The following APC2 variants were observed in gnomAD, a reference collection of about 807,000 sequenced individuals.
The protein encoded by APC2 is adenomatous polyposis coli protein 2.
Under a neutral mutation model 72.5 loss-of-function variants are expected in APC2, and 41 were observed. That is an observed-to-expected ratio of 0.57 (90% CI 0.44 to 0.73). APC2 has a LOEUF of 0.73. Among genes scored for constraint, APC2 ranks in the 30% least tolerant of loss-of-function variants. The pLI is 0.00. For synonymous variants in APC2, 1,898 were observed against 1,612.0 expected (o/e 1.18, Z -4.25); for missense variants, 3,729 against 3,403.4 (o/e 1.10, Z -2.38).
chr19:1,458,820 A>T lies in APC2; in HGVS notation c.1303+760A>T, dbSNP rs545151151. On this transcript the variant is annotated intron_variant, in intron 10 of 14. Transcript: ENST00000590469. ...CAAACTCCACCTCCGAGTAGCTGGG[A>T]TTACAGGTGCCCGCCCCCACACCTG... Among the ~76,000 whole-genome samples the T allele has an allele frequency of 1.8e-4, 27 of 151,896 alleles. 1 individual carries two copies. The South Asian group carries it at 2.7e-3, about 15-fold the overall frequency.
Position 1,468,290 on chromosome 19 carries a change from G to A in APC2, c.4989G>A (p.Glu1663=), listed in dbSNP as rs1433290500. ...CCCGGCTGGATGAGCGGCCCGCAGA[G>A]GGGTCCCGGGAACGCGGCGAGGAGG... is the stretch of plus-strand genomic sequence containing the variant. ...RATRLDERPA[E]GSRERGEEAA... is the part of the protein sequence containing the mutation. Residue 1663 remains glutamate (E), a synonymous_variant, in exon 15 of 15, where the codon GAG becomes GAA. Coordinates refer to ENST00000590469, the MANE Select transcript of APC2 (RefSeq NM_005883.3). The A allele has an allele frequency of 6.5e-7, 1 of 1,539,700 alleles. No individual in the cohort carries two copies. The highest frequency in any genetic ancestry group is 2.5e-5 in the East Asian group (1 of 40,368).
In APC2 at chr19:1,457,138, A is replaced by G. The variant is rs975583012; in HGVS notation, c.1102A>G (p.Met368Val). ...QPDQGLARKEMRVLHVLEQIR... is the reference protein window; with the variant it reads ...QPDQGLARKEVRVLHVLEQIR... Reference sequence around the variant, plus strand: ...GGACCAGGGCCTGGCGCGCAAGGAGATGCGCGTCCTGCACGTGCTGGAGCA... The same window carrying G: ...GGACCAGGGCCTGGCGCGCAAGGAGGTGCGCGTCCTGCACGTGCTGGAGCA... Residue 368 changes from methionine (M) to valine (V), a missense_variant, in exon 9 of 15, where the codon ATG becomes GTG. Physicochemically the swap from Met to Val is conservative, Grantham distance 21 (BLOSUM62 1). Transcript: ENST00000590469. 3 of 1,589,050 alleles carry G rather than the reference A, an allele frequency of 1.9e-6. No homozygotes were observed. The highest frequency in any genetic ancestry group is 2.7e-5 in the African/African-American group (2 of 74,118).
At chr19:1,454,769 G>C (rs1306111818) in intron 4 of APC2, among the ~76,000 whole-genome samples, 1 of 152,026 alleles carries the variant, frequency 6.6e-6, no homozygotes, top group Non-Finnish European at 1.5e-5. Flanking sequence ...GGGTTTCACC[G>C]TGTTAGCCAG....
Position 1,452,814 on chromosome 19 carries a change from C to G in APC2, c.-18-170C>G, listed in dbSNP as rs2083759670. On this transcript the variant is annotated intron_variant, in intron 1 of 14. Coordinates refer to ENST00000590469, the MANE Select transcript of APC2 (RefSeq NM_005883.3). The surrounding 1 kb of genome is among the most constrained non-coding windows in gnomAD (Gnocchi z 5.1). ...CCCTCTGCGCCCCGGATTGCCTGGC[C>G]ACCACCACGTGGGCCTGTACTTGTC... The G allele has an allele frequency of 8.8e-6, 7 of 796,760 alleles. No homozygotes were observed. The highest frequency in any genetic ancestry group is 1.3e-5 in the Non-Finnish European group (7 of 522,514). The allele number at this position is 796,760 out of a possible 1,614,324, so 49.4% of individuals were successfully genotyped here.
rs771753228 is a variant in APC2 at position 1,468,977 on chromosome 19, G to T, written c.5676G>T (p.Pro1892=). The T allele has an allele frequency of 4.5e-6, 7 of 1,558,002 alleles. No individual in the cohort carries two copies. The highest frequency in any genetic ancestry group is 4.2e-5 in the African/African-American group (3 of 71,042). ...ASQPLPRKRP[P]VTQAAGALPG... is the part of the protein sequence containing the mutation. ...AGCCCCTGCCCAGAAAGCGCCCCCC[G>T]GTCACCCAGGCTGCTGGGGCCCTGC... Residue 1892 remains proline (P), a synonymous_variant, in exon 15 of 15, where the codon CCG becomes CCT. Transcript: ENST00000590469.
rs930626044 is a variant in APC2 at position 1,452,946 on chromosome 19, C to T, written c.-18-38C>T. On this transcript the variant is annotated intron_variant, in intron 1 of 14. Transcript: ENST00000590469. The surrounding 1 kb of genome is among the most constrained non-coding windows in gnomAD (Gnocchi z 5.1). ...CCGGAAGGCATCACCGCGCCCTCCC[C>T]AGACCATCAGCTGAACCCTCTGACC... The T allele has an allele frequency of 5.6e-6, 9 of 1,599,432 alleles. No homozygotes were observed. Among genetic ancestry groups the T allele is most frequent in the Admixed American group, 3.4e-5 (2 of 59,356 alleles).
intron 14 of APC2, among the ~76,000 whole-genome samples, chr19:1,463,412 G>A (rs2083957602): frequency 7.9e-6 from 1 of 126,420 alleles, no homozygotes; most frequent in African/African-American, 4.2e-5. Context: ...AGGGGACTCT[G>A]TCTCAAAAAA....
intron 13 of APC2, chr19:1,461,726 T>A: frequency 2.0e-6 from 1 of 506,324 alleles, no homozygotes; most frequent in Non-Finnish European, 3.5e-6. Flanking sequence ...GTGGCGGGTG[T>A]CTGTAGTCCC....
chr19:1,456,750 G>C, intron 8 of APC2, 103 bp from the exon 9 acceptor site: 1 of 1,386,816 alleles, frequency 7.2e-7, no homozygotes, highest in Non-Finnish European at 9.6e-7. Context: ...GTGGGCGTGG[G>C]GCTGCCCTTG....
In APC2 at chr19:1,470,393, T is replaced by G; in HGVS notation, c.*180T>G. 3.2e-6 allele frequency: 3 copies of G among 924,916 alleles called. No individual in the cohort carries two copies. The highest frequency in any genetic ancestry group is 4.6e-6 in the Non-Finnish European group (3 of 653,964). 57.3% of individuals were successfully genotyped at this position (924,916 alleles called of 1,614,324 possible). On this transcript the variant is annotated 3_prime_UTR_variant, in exon 15 of 15. Coordinates refer to ENST00000590469, the MANE Select transcript of APC2 (RefSeq NM_005883.3). ...CGACCTCGCGCCTCACCGGAAGACCTTGCCTCTGTGCCGCGGAGGTCCAGG... is the reference window on the plus strand; with the variant it reads ...CGACCTCGCGCCTCACCGGAAGACCGTGCCTCTGTGCCGCGGAGGTCCAGG...
chr19:1,465,847 T>C lies in APC2; in HGVS notation c.2546T>C (p.Leu849Pro). 1.3e-6 allele frequency: 2 copies of C among 1,574,494 alleles called. No individual in the cohort carries two copies. The highest frequency in any genetic ancestry group is 1.7e-6 in the Non-Finnish European group (2 of 1,161,840). ...VAAKAKAKLA[L>P]AVARIDQLVE... ...GCCAAGGCCAAGGCCAAGCTGGCGCTTGCAGTGGCGCGCATCGACCAGCTG... is the reference window on the plus strand; with the variant it reads ...GCCAAGGCCAAGGCCAAGCTGGCGCCTGCAGTGGCGCGCATCGACCAGCTG... The change falls in exon 15 of 15, where the codon CTT becomes CCT. Residue 849 changes from leucine to proline, a missense_variant. By Grantham distance (98) the Leu-to-Pro change is moderately conservative. Transcript: ENST00000590469.
chr19:1,461,732 G>A (rs1436932333), intron 13 of APC2: 4 of 540,078 alleles, frequency 7.4e-6, no homozygotes, highest in African/African-American at 3.9e-5. Context: ...GGTGTCTGTA[G>A]TCCCAGCTAC....
Position 1,467,622 on chromosome 19 carries a change from C to A in APC2, c.4321C>A (p.His1441Asn). The A allele has an allele frequency of 6.7e-7, 1 of 1,492,216 alleles. No homozygotes were observed. Among genetic ancestry groups the A allele is most frequent in the Non-Finnish European group, 8.9e-7 (1 of 1,128,964 alleles). 92.4% of individuals were successfully genotyped at this position (1,492,216 alleles called of 1,614,324 possible). Reference protein sequence around the residue: ...RPTSARQAMGHRHKAGGAGRS... With the variant: ...RPTSARQAMGNRHKAGGAGRS... ...CACCTCTGCCAGACAGGCCATGGGG[C>A]ACCGGCACAAGGCGGGAGGCGCCGG... The change falls in exon 15 of 15, where the codon CAC becomes AAC. Residue 1441 changes from histidine (H) to asparagine (N), a missense_variant. Physicochemically the swap from His to Asn is moderately conservative, Grantham distance 68. Transcript: ENST00000590469.
At position 1,465,626 on chromosome 19, in the gene APC2, G is replaced by A. The variant is rs1345887031; in HGVS notation, c.2325G>A (p.Ser775=). The change falls in exon 15 of 15, where the codon TCG becomes TCA. Residue 775 remains serine (S), a synonymous_variant. Transcript: ENST00000590469. The part of the protein sequence containing the change: ...DGLAQDYASD[S]GCFDDDDAPS... ...TGGCCCAAGACTATGCTTCCGATTC[G>A]GGCTGCTTTGACGACGACGATGCAC... The A allele has an allele frequency of 3.1e-6, 5 of 1,602,816 alleles. No homozygotes were observed. Among genetic ancestry groups the A allele is most frequent in the Admixed American group, 1.7e-5 (1 of 59,046 alleles).
chr19:1,460,376 G>A, intron 11 of APC2, 56 bp downstream of exon 11: 2 of 1,608,222 alleles, frequency 1.2e-6, no homozygotes, highest in South Asian at 1.1e-5. Context: ...TCCAGGGACT[G>A]AGCCTCCTTC....
At chr19:1,462,695 G>T (rs986170641) in intron 14 of APC2, among the ~76,000 whole-genome samples, 25 of 149,060 alleles carry the variant, frequency 1.7e-4, no homozygotes, top group African/African-American at 6.3e-4. Context: ...AGGCAGCCAG[G>T]CGCAGTGGCT....
chr19:1,449,948 G>A (rs953569819), upstream of APC2, among the ~76,000 whole-genome samples: 6 of 152,092 alleles, frequency 3.9e-5, no homozygotes, highest in East Asian at 1.9e-4. Flanking sequence ...CCTCGGGGGG[G>A]TTTCGCCCCC....
chr19:1,464,267 C>G (rs904203881), intron 14 of APC2, among the ~76,000 whole-genome samples: 10 of 151,948 alleles, frequency 6.6e-5, no homozygotes, highest in African/African-American at 2.4e-4. Flanking sequence ...GGAGATCATG[C>G]CACTGCACTC....
At chr19:1,457,322 C>T in intron 9 of APC2, 79 bp downstream of exon 9, 1 of 1,446,700 alleles carries the variant, frequency 6.9e-7, no homozygotes, top group Middle Eastern at 2.5e-4. Context: ...CGACTAGGAC[C>T]TCCAGCCTTT....
Sources: allele counts gnomAD v4.1 joint callset (sites outside exome capture counted in the v4.1 genomes callset), GRCh38; gene constraint gnomAD v4.1.1; non-coding constraint Gnocchi (gnomAD v3.1); transcripts MANE v1.5; gene names NCBI Gene and HGNC (gene_info 2026-07-23, HGNC 2026-07-21).